The following SH3KBP1 variants were observed in gnomAD, a reference collection of about 807,000 sequenced individuals.
The protein encoded by SH3KBP1 is SH3 domain containing kinase binding protein 1.
Under a neutral mutation model 50.1 loss-of-function variants are expected in SH3KBP1, and 8 were observed. The observed-to-expected ratio is 0.16, with a 90% confidence interval of 0.09 to 0.29. The LOEUF (loss-of-function observed/expected upper bound fraction) is 0.29, where lower values mean the gene tolerates loss of function less well. Among genes scored for constraint, SH3KBP1 ranks in the 10% least tolerant of loss-of-function variants. The pLI, the probability that SH3KBP1 is intolerant of heterozygous loss-of-function variation, is 1.00. For missense variants in SH3KBP1, 377 were observed against 535.2 expected (o/e 0.70, Z 2.92); for synonymous variants, 227 against 218.6 (o/e 1.04, Z -0.34).
intron 3 of SH3KBP1, among the ~76,000 whole-genome samples, chrX:19,739,192 AAAT>A (rs954487856): frequency 2.7e-5 from 3 of 110,832 alleles, no homozygotes; most frequent in Non-Finnish European, 3.8e-5. Flanking sequence ...AAAAACTGAA[AAAT>A]AATGAGAATA....
At chrX:19,768,741 C>A (rs1339389198) in intron 2 of SH3KBP1, among the ~76,000 whole-genome samples, 1 of 109,263 alleles carries the variant, frequency 9.2e-6, no homozygotes, top group East Asian at 2.9e-4. Flanking sequence ...GACTGACCCC[C>A]AAGTTTGCAT....
intron 11 of SH3KBP1, among the ~76,000 whole-genome samples, chrX:19,591,008 A>T (rs953507882): frequency 8.4e-5 from 9 of 107,695 alleles, no homozygotes; most frequent in African/African-American, 2.4e-4. Context: ...TATATACTCA[A>T]TGGCTGGTTT....
intron 1 of SH3KBP1, among the ~76,000 whole-genome samples, chrX:19,882,937 G>A: frequency 8.9e-6 from 1 of 112,070 alleles, no homozygotes; most frequent in Non-Finnish European, 1.9e-5. Context: ...CACAAGAAGT[G>A]TGTTTTGAAG....
intron 1 of SH3KBP1, among the ~76,000 whole-genome samples, chrX:19,872,575 T>A (rs2069081885): frequency 9.2e-6 from 1 of 109,038 alleles, no homozygotes; most frequent in South Asian, 4.0e-4. Context: ...ATAGAGACCA[T>A]CCTGGCTAAC....
intron 6 of SH3KBP1, chrX:19,670,853 A>AAAAAAAAAAAAT: frequency 8.7e-7 from 1 of 1,146,358 alleles, no homozygotes; most frequent in Non-Finnish European, 1.2e-6. Flanking sequence ...AAAAAAAAAA[A>AAAAAAAAAAAAT]AGAAATACCT....
chrX:19,733,918 G>C (rs757202425), intron 3 of SH3KBP1, among the ~76,000 whole-genome samples: 16 of 112,083 alleles, frequency 1.4e-4, no homozygotes, highest in Non-Finnish European at 2.6e-4. Flanking sequence ...TAGTGAGACA[G>C]ATCAGTGCAA....
chrX:19,710,727 C>A (rs1421906710), intron 3 of SH3KBP1, among the ~76,000 whole-genome samples: 2 of 110,800 alleles, frequency 1.8e-5, no homozygotes, highest in East Asian at 2.8e-4. Flanking sequence ...TTCATGGTTT[C>A]AGGCATCCAC....
At chrX:19,811,082 T>C (rs1198327755) in intron 2 of SH3KBP1, among the ~76,000 whole-genome samples, 2 of 112,239 alleles carry the variant, frequency 1.8e-5, no homozygotes, top group Non-Finnish European at 3.8e-5. Context: ...GATGTATTTT[T>C]TTAATAAGCA....
At chrX:19,801,021 T>C (rs1465215014) in intron 2 of SH3KBP1, among the ~76,000 whole-genome samples, 2 of 111,804 alleles carry the variant, frequency 1.8e-5, no homozygotes, top group East Asian at 5.6e-4. Context: ...CCACTCCTGG[T>C]CACAGGTGCC....
intron 9 of SH3KBP1, among the ~76,000 whole-genome samples, chrX:19,603,317 G>A (rs950852917): frequency 8.9e-6 from 1 of 112,313 alleles, no homozygotes; most frequent in African/African-American, 3.2e-5. Context: ...GGTGGAACCC[G>A]GCTTCTAAGG....
In SH3KBP1 at chrX:19,743,878, G is replaced by A. The variant is rs1036174998; in HGVS notation, c.286+2440C>T. On this transcript the variant is annotated intron_variant, in intron 3 of 17. Transcript: ENST00000397821. ...ACTTCAAGCATGTATCAAATGATAA[G>A]GTCCATATACAGAAAACAGTCATCT... Among the ~76,000 whole-genome samples, 6 of 112,509 alleles carry A rather than the reference G, an allele frequency of 5.3e-5. No individual in the cohort carries two copies. In the Admixed American group the frequency reaches 5.6e-4, roughly 11 times the overall value.
chrX:19,700,384 G>A (rs1447828295), intron 4 of SH3KBP1, among the ~76,000 whole-genome samples: 3 of 112,052 alleles, frequency 2.7e-5, no homozygotes, highest in Non-Finnish European at 5.6e-5. Flanking sequence ...TTACATAAAT[G>A]CAGAACTTAA....
chrX:19,852,018 C>T (rs774091694), intron 1 of SH3KBP1, among the ~76,000 whole-genome samples: 8 of 111,783 alleles, frequency 7.2e-5, no homozygotes, highest in Non-Finnish European at 1.1e-4. Context: ...TCTTCCTCCC[C>T]GGGCTTTGGA....
At chrX:19,735,932 G>A (rs1461990962) in intron 3 of SH3KBP1, among the ~76,000 whole-genome samples, 1 of 110,408 alleles carries the variant, frequency 9.1e-6, no homozygotes, top group Admixed American at 9.6e-5. Context: ...CACTGTGTTA[G>A]CCAGGATGGT....
At chrX:19,787,528 C>T (rs2066385500) in intron 2 of SH3KBP1, among the ~76,000 whole-genome samples, 1 of 111,447 alleles carries the variant, frequency 9.0e-6, no homozygotes, top group Non-Finnish European at 1.9e-5. Flanking sequence ...AAATTGAATC[C>T]TCTTGGCATG....
intron 15 of SH3KBP1, among the ~76,000 whole-genome samples, chrX:19,545,354 C>G (rs1252696945): frequency 8.9e-6 from 1 of 112,276 alleles, no homozygotes; most frequent in African/African-American, 3.2e-5. Flanking sequence ...TAAATGTCTT[C>G]CTTGTTTCTC....
At position 19,754,971 on chromosome X, in the gene SH3KBP1, C is replaced by A. The variant is rs200269320; in HGVS notation, c.163-8530G>T. 8.9e-5 allele frequency among the ~76,000 whole-genome samples: 10 copies of A among 112,319 alleles called. No individual in the cohort carries two copies. The East Asian group carries it at 2.8e-3, about 31-fold the overall frequency. Reference sequence around the variant, plus strand: ...GAATTTACTCATTTAAAAACTAAACCTTTAAAGCACTAGAAGAAAATAAAG... The same window carrying A: ...GAATTTACTCATTTAAAAACTAAACATTTAAAGCACTAGAAGAAAATAAAG... On this transcript the variant is annotated intron_variant, in intron 2 of 17. Coordinates refer to ENST00000397821, the MANE Select transcript of SH3KBP1 (RefSeq NM_031892.3).
chrX:19,879,258 T>C (rs2069361087), intron 1 of SH3KBP1, among the ~76,000 whole-genome samples: 1 of 111,063 alleles, frequency 9.0e-6, no homozygotes, highest in Non-Finnish European at 1.9e-5. Context: ...AAATAAAAAA[T>C]AAAAAACTTA....
At chrX:19,605,809 C>T (rs2067226740) in intron 9 of SH3KBP1, among the ~76,000 whole-genome samples, 3 of 111,828 alleles carry the variant, frequency 2.7e-5, no homozygotes, top group Non-Finnish European at 5.6e-5. Flanking sequence ...ATTTATCAGG[C>T]AGCAGATCCA....
Sources: gnomAD v4.1 joint callset for allele counts (sites outside exome capture counted in the v4.1 genomes callset) on GRCh38, gnomAD v4.1.1 for gene constraint, MANE v1.5 for transcripts, NCBI Gene and HGNC (gene_info 2026-07-23, HGNC 2026-07-21) for gene names.